The following MANBA variants were observed in gnomAD, a reference collection of about 807,000 sequenced individuals.
MANBA encodes the protein mannosidase beta.
Under a neutral mutation model 111.1 loss-of-function variants are expected in MANBA, and 83 were observed. The observed-to-expected ratio is 0.75, with a 90% confidence interval of 0.63 to 0.90. The LOEUF (loss-of-function observed/expected upper bound fraction) is 0.90. Among genes scored for constraint, MANBA ranks in the 40% least tolerant of loss-of-function variants. The pLI is 0.00. For synonymous variants in MANBA, 370 were observed against 378.7 expected (o/e 0.98, Z 0.27); for missense variants, 1,036 against 1,069.0 (o/e 0.97, Z 0.43).
chr4:102,701,679 A>G (rs1236466250), intron 5 of MANBA, among the ~76,000 whole-genome samples: 1 of 151,882 alleles, frequency 6.6e-6, no homozygotes, highest in African/African-American at 2.4e-5. Context: ...AGAATGTTGA[A>G]TATTGGCCCC....
chr4:102,759,053 T>C (rs1724133517), intron 1 of MANBA, among the ~76,000 whole-genome samples: 1 of 152,252 alleles, frequency 6.6e-6, no homozygotes, highest in African/African-American at 2.4e-5. Context: ...ACGTTGTTTC[T>C]TAGCTTCTTA....
intron 5 of MANBA, among the ~76,000 whole-genome samples, chr4:102,700,093 G>A (rs1304940829): frequency 6.7e-6 from 1 of 148,330 alleles, no homozygotes; most frequent in Admixed American, 6.7e-5. Context: ...TTGGGAGAGT[G>A]TATGTGTCGA....
At chr4:102,751,132 AG>A (rs1723773370) in intron 1 of MANBA, among the ~76,000 whole-genome samples, 1 of 152,226 alleles carries the variant, frequency 6.6e-6, no homozygotes, top group Non-Finnish European at 1.5e-5. Context: ...AGAATACAAA[AG>A]TAGAATGTAC....
intron 9 of MANBA, among the ~76,000 whole-genome samples, chr4:102,670,000 T>A (rs988881317): frequency 6.7e-6 from 1 of 148,824 alleles, no homozygotes; most frequent in African/African-American, 2.5e-5. Context: ...GAAAGAAATA[T>A]AAAAATTAGC....
chr4:102,734,666 C>A, intron 1 of MANBA: 1 of 1,279,922 alleles, frequency 7.8e-7, no homozygotes, highest in Non-Finnish European at 1.1e-6. Flanking sequence ...TTGGGGACAG[C>A]CCTCCTGGGA....
chr4:102,738,170 TCTAAAGAAGAAAACAACTAATTCCACTGC>T (rs1560807522), intron 1 of MANBA, among the ~76,000 whole-genome samples: 1 of 152,186 alleles, frequency 6.6e-6, no homozygotes, highest in African/African-American at 2.4e-5. Flanking sequence ...ACAACCCTGC[TCTAAAGAAGAAAACAACTAATTCCACTGC>T]CTAAAGAAGA....
At position 102,723,013 on chromosome 4, in the gene MANBA, TC is replaced by T; in HGVS notation, c.406del (p.Asp136ThrfsTer2). On this transcript the variant is annotated frameshift_variant, in exon 4 of 17. Transcript: ENST00000647097. LOFTEE classifies it high-confidence loss of function. ...GAAACGCAGCTCAATGGAGTTCACG[TC>T]CCTGACCACGTTGGTAATATCAAAG... ...YSFDITNVVR[D>X]VNSIELRFQS... 6.2e-7 allele frequency: 1 copy of T among 1,614,090 alleles called. No homozygotes were observed. The highest frequency in any genetic ancestry group is 1.3e-5 in the African/African-American group (1 of 75,044).
chr4:102,695,732 G>A (rs756237300), intron 5 of MANBA, among the ~76,000 whole-genome samples: 21 of 152,086 alleles, frequency 1.4e-4, no homozygotes, highest in African/African-American at 4.8e-4. Context: ...CTCTCGCAGC[G>A]ATGCCTACCA....
intron 1 of MANBA, among the ~76,000 whole-genome samples, chr4:102,740,976 C>T (rs1490539192): frequency 6.6e-6 from 1 of 152,076 alleles, no homozygotes; most frequent in Non-Finnish European, 1.5e-5. Flanking sequence ...AAAGCTTCTG[C>T]ACAGAAAAAG....
At position 102,651,938 on chromosome 4, in the gene MANBA, T is replaced by A. The variant is rs1383582473; in HGVS notation, c.1705-1237A>T. 3.5e-5 allele frequency among the ~76,000 whole-genome samples: 5 copies of A among 143,088 alleles called. No homozygotes were observed. The East Asian group carries it at 1.1e-3, about 30-fold the overall frequency. 93.9% of individuals were successfully genotyped at this position (143,088 alleles called of 152,430 possible). The stretch of plus-strand genomic sequence containing the variant: ...ATAGTCTTCCTACGCTTCCTCCTCT[T>A]AATTTATTTTATTTATGTTTATTAT... On this transcript the variant is annotated intron_variant, in intron 12 of 16. Coordinates refer to ENST00000647097, the MANE Select transcript of MANBA (RefSeq NM_005908.4).
chr4:102,690,919 G>A (rs967548307), intron 5 of MANBA, 148 bp from the exon 6 acceptor site: 3 of 239,098 alleles, frequency 1.3e-5, no homozygotes, highest in Admixed American at 5.4e-5. Flanking sequence ...TCAAAACTTC[G>A]TGGAAATTTT....
At chr4:102,720,261 C>A (rs182452778) in intron 4 of MANBA, among the ~76,000 whole-genome samples, 1 of 151,892 alleles carries the variant, frequency 6.6e-6, no homozygotes, top group South Asian at 2.1e-4. Context: ...ATGGTGAAAC[C>A]CCATCTCTAC....
intron 5 of MANBA, among the ~76,000 whole-genome samples, chr4:102,712,536 TTTA>T (rs1227189881): frequency 4.0e-5 from 6 of 151,860 alleles, no homozygotes; most frequent in South Asian, 2.1e-4. Flanking sequence ...TTTTTTTTTT[TTTA>T]AACAGCATCT....
intron 11 of MANBA, among the ~76,000 whole-genome samples, 188 bp downstream of exon 11, chr4:102,664,497 C>T (rs538519816): frequency 2.0e-5 from 3 of 152,082 alleles, no homozygotes; most frequent in Admixed American, 6.5e-5. Context: ...TACAGGCGCC[C>T]GCCACCGCGC....
At chr4:102,707,013 C>G (rs557219559) in intron 5 of MANBA, among the ~76,000 whole-genome samples, 1 of 152,154 alleles carries the variant, frequency 6.6e-6, no homozygotes, top group Non-Finnish European at 1.5e-5. Flanking sequence ...ACCTATTTAA[C>G]AAAATAATAG....
intron 1 of MANBA, among the ~76,000 whole-genome samples, chr4:102,739,571 A>G (rs140455619): frequency 6.6e-6 from 1 of 152,308 alleles, no homozygotes; most frequent in Non-Finnish European, 1.5e-5. Flanking sequence ...AGCTAACCAA[A>G]TCCAACAGGA....
At chr4:102,711,193 G>C (rs918241823) in intron 5 of MANBA, among the ~76,000 whole-genome samples, 2 of 152,116 alleles carry the variant, frequency 1.3e-5, no homozygotes, top group African/African-American at 4.8e-5. Flanking sequence ...TTGTTGAATG[G>C]GAGAAAATAT....
chr4:102,755,475 A>G (rs1723974545), intron 1 of MANBA, among the ~76,000 whole-genome samples: 1 of 152,232 alleles, frequency 6.6e-6, no homozygotes, highest in African/African-American at 2.4e-5. Flanking sequence ...TTAATTCAAG[A>G]TGGATTAAAG....
At chr4:102,702,890 G>A (rs1560784585) in intron 5 of MANBA, among the ~76,000 whole-genome samples, 2 of 152,094 alleles carry the variant, frequency 1.3e-5, no homozygotes, top group Non-Finnish European at 2.9e-5. Context: ...CCTCAACAGG[G>A]GGAAGGCAGA....
Sources: gnomAD v4.1 joint callset for allele counts (sites outside exome capture counted in the v4.1 genomes callset) on GRCh38, gnomAD v4.1.1 for gene constraint, MANE v1.5 for transcripts, NCBI Gene and HGNC (gene_info 2026-07-23, HGNC 2026-07-21) for gene names.